CSMD1: variants seen among roughly 807,000 people sequenced by gnomAD.
The protein encoded by CSMD1 is CUB and sushi domain-containing protein 1.
In CSMD1, 213 loss-of-function variants were observed where a neutral mutation model predicts 417.5. The ratio of observed to expected loss-of-function variants is 0.51; its 90% CI spans 0.46 to 0.57. The LOEUF is 0.57. CSMD1 is among the 20% of genes least tolerant of loss of function. The pLI is 0.00. For synonymous variants in CSMD1, 2,862 were observed against 1,736.8 expected (o/e 1.65, Z -16.11); for missense variants, 6,923 against 4,529.7 (o/e 1.53, Z -15.17).
chr8:4,276,686 G>C (rs551584105), intron 3 of CSMD1, among the ~76,000 whole-genome samples: 5 of 152,162 alleles, frequency 3.3e-5, no homozygotes, highest in African/African-American at 1.2e-4. Flanking sequence ...TTCAGGAAAC[G>C]AAGTCTTTAG....
At chr8:4,016,939 G>C (rs537908214) in intron 4 of CSMD1, among the ~76,000 whole-genome samples, 3 of 152,144 alleles carry the variant, frequency 2.0e-5, no homozygotes, top group East Asian at 3.9e-4. Context: ...AATCTCAAAA[G>C]ATGAAACTCC....
rs547523825 is a variant in CSMD1 at position 4,987,565 on chromosome 8, C to T, written c.85+6767G>A. ...TGAAGCTCCCCAAAATATATCACGC[C>T]AAAAAGTAAAAAATAAAAAGCACTG... On this transcript the variant is annotated intron_variant, in intron 1 of 69. Coordinates refer to ENST00000635120, the MANE Select transcript of CSMD1 (RefSeq NM_033225.6). 4.0e-5 allele frequency among the ~76,000 whole-genome samples: 6 copies of T among 151,798 alleles called. No homozygotes were observed. In the East Asian group the frequency reaches 1.2e-3, roughly 29 times the overall value.
chr8:3,401,376 T>C (rs1812029498), intron 15 of CSMD1, among the ~76,000 whole-genome samples: 4 of 152,198 alleles, frequency 2.6e-5, no homozygotes, highest in Admixed American at 2.6e-4. Context: ...CAAATATTAA[T>C]TATTTTATTA....
intron 40 of CSMD1, among the ~76,000 whole-genome samples, chr8:3,149,003 T>G (rs571494950): frequency 6.6e-6 from 1 of 152,238 alleles, no homozygotes; most frequent in Non-Finnish European, 1.5e-5. Context: ...TTCTAGATCC[T>G]CTTTAAACCC....
intron 4 of CSMD1, among the ~76,000 whole-genome samples, chr8:4,028,207 G>A (rs1011396834): frequency 2.0e-5 from 3 of 152,124 alleles, no homozygotes; most frequent in Non-Finnish European, 4.4e-5. Flanking sequence ...AATTTCTCTA[G>A]GACAGAGGAA....
chr8:3,201,063 C>A (rs1447048206), intron 32 of CSMD1, among the ~76,000 whole-genome samples: 2 of 152,114 alleles, frequency 1.3e-5, no homozygotes, highest in African/African-American at 4.8e-5. Flanking sequence ...TAGAGACAGA[C>A]TTCTGTATGT....
chr8:4,619,290 AAATT>A (rs1458146171), intron 2 of CSMD1, among the ~76,000 whole-genome samples: 1 of 152,212 alleles, frequency 6.6e-6, no homozygotes, highest in Non-Finnish European at 1.5e-5. Flanking sequence ...GCATGTAACA[AAATT>A]AAAGCAATAT....
At chr8:4,476,421 C>T (rs543829903) in intron 2 of CSMD1, among the ~76,000 whole-genome samples, 1 of 152,110 alleles carries the variant, frequency 6.6e-6, no homozygotes, top group African/African-American at 2.4e-5. Context: ...AATTCAGCTT[C>T]TTTTAAATGT....
Position 4,795,252 on chromosome 8 carries a change from CTTTT to C in CSMD1, c.86-157698_86-157695del, listed in dbSNP as rs571984359. Among the ~76,000 whole-genome samples the C allele has an allele frequency of 2.7e-3, 127 of 46,254 alleles. 15 individuals are homozygous for C. The highest frequency in any genetic ancestry group is 8.6e-3 in the African/African-American group (119 of 13,864). 30.3% of individuals were successfully genotyped at this position (46,254 alleles called of 152,430 possible). On this transcript the variant is annotated intron_variant, in intron 1 of 69. Transcript: ENST00000635120. ...ATTTCTAGGTCTGCTGGTGTCATAGCTTTTTTTTTTTTTTTTTTTTTTTTTTTTT... is the reference window on the plus strand; with the variant it reads ...ATTTCTAGGTCTGCTGGTGTCATAGCTTTTTTTTTTTTTTTTTTTTTTTTT...
At chr8:4,666,096 T>G (rs1489368367) in intron 1 of CSMD1, among the ~76,000 whole-genome samples, 2 of 152,116 alleles carry the variant, frequency 1.3e-5, no homozygotes, top group Admixed American at 1.3e-4. Context: ...TAGGTAACGT[T>G]TCTGTGGTGA....
intron 10 of CSMD1, among the ~76,000 whole-genome samples, chr8:3,535,129 A>G (rs1014350696): frequency 6.6e-6 from 1 of 150,864 alleles, no homozygotes; most frequent in African/African-American, 2.4e-5. Context: ...TTTTTTTTTA[A>G]TTTATATAGA....
At chr8:3,667,118 A>T (rs1798734527) in intron 7 of CSMD1, among the ~76,000 whole-genome samples, 1 of 152,136 alleles carries the variant, frequency 6.6e-6, no homozygotes, top group African/African-American at 2.4e-5. Context: ...GGCATTAGGG[A>T]TACACCAGTT....
intron 11 of CSMD1, among the ~76,000 whole-genome samples, chr8:3,486,285 C>T (rs943428752): frequency 1.3e-5 from 2 of 151,958 alleles, no homozygotes; most frequent in African/African-American, 4.8e-5. Flanking sequence ...TTTTTATCTA[C>T]CATTCTATTT....
intron 1 of CSMD1, among the ~76,000 whole-genome samples, chr8:4,991,959 A>G (rs1811488829): frequency 6.6e-6 from 1 of 152,098 alleles, no homozygotes; most frequent in East Asian, 1.9e-4. Context: ...AGTGAGAGCT[A>G]CGTCCGAGCG....
At chr8:4,752,180 G>A (rs1484093779) in intron 1 of CSMD1, among the ~76,000 whole-genome samples, 1 of 151,872 alleles carries the variant, frequency 6.6e-6, no homozygotes, top group Non-Finnish European at 1.5e-5. Context: ...TCTCTAGGAA[G>A]TAGAAAAAAA....
At chr8:4,319,279 T>C (rs938985818) in intron 3 of CSMD1, among the ~76,000 whole-genome samples, 5 of 152,170 alleles carry the variant, frequency 3.3e-5, no homozygotes, top group African/African-American at 4.8e-5. Context: ...CTTAGTAATG[T>C]CCTTTCCTTG....
intron 7 of CSMD1, among the ~76,000 whole-genome samples, chr8:3,630,244 A>G (rs1563214498): frequency 6.6e-6 from 1 of 152,186 alleles, no homozygotes; most frequent in Non-Finnish European, 1.5e-5. Flanking sequence ...CAGATTTTGG[A>G]TAGGGTCACA....
intron 8 of CSMD1, among the ~76,000 whole-genome samples, chr8:3,608,849 G>A (rs562975792): frequency 6.6e-6 from 1 of 151,754 alleles, no homozygotes; most frequent in Non-Finnish European, 1.5e-5. Context: ...ATTACAACAT[G>A]ACACACCCCT....
intron 3 of CSMD1, among the ~76,000 whole-genome samples, 179 bp from the exon 4 acceptor site, chr8:4,032,278 T>C (rs1167044188): frequency 6.6e-6 from 1 of 152,224 alleles, no homozygotes; most frequent in Non-Finnish European, 1.5e-5. Context: ...TTAGAATATC[T>C]GCAGTATAAC....
Sources: gnomAD v4.1 joint callset for allele counts (sites outside exome capture counted in the v4.1 genomes callset) on GRCh38, gnomAD v4.1.1 for gene constraint, MANE v1.5 for transcripts, NCBI Gene and HGNC (gene_info 2026-07-23, HGNC 2026-07-21) for gene names.